Variants in SPECC1L observed in about 807,000 individuals in gnomAD.
SPECC1L encodes the protein cytospin-A.
In SPECC1L, 40 loss-of-function variants were observed where a neutral mutation model predicts 116.8. The observed-to-expected ratio is 0.34, with a 90% CI of 0.27 to 0.45. The LOEUF (loss-of-function observed/expected upper bound fraction) is 0.45. Among genes scored for constraint, SPECC1L ranks in the 20% least tolerant of loss-of-function variants. The probability of loss-of-function intolerance (pLI) is 1.00; values close to 1 mark genes in which losing one functional copy is unlikely to be tolerated. For synonymous variants in SPECC1L, 504 were observed against 500.6 expected, an observed-to-expected ratio of 1.01 and a Z score of -0.09; for missense variants, 1,110 against 1,373.6, an observed-to-expected ratio of 0.81 and a Z score of 3.03.
At chr22:24,281,443 T>C (rs1325249434) in intron 2 of SPECC1L, among the ~76,000 whole-genome samples, 1 of 152,234 alleles carries the variant, frequency 6.6e-6, no homozygotes, top group Non-Finnish European at 1.5e-5. Flanking sequence ...CCCATGACCA[T>C]GGTATACTTC....
chr22:24,381,296 A>G (rs1328450864), intron 14 of SPECC1L, among the ~76,000 whole-genome samples: 1 of 152,230 alleles, frequency 6.6e-6, no homozygotes, highest in Non-Finnish European at 1.5e-5. Context: ...AGACCTAGAA[A>G]TGGATTGGTT....
At chr22:24,351,816 A>C (rs1041934928) in intron 11 of SPECC1L, among the ~76,000 whole-genome samples, 2 of 152,192 alleles carry the variant, frequency 1.3e-5, no homozygotes, top group Non-Finnish European at 2.9e-5. Flanking sequence ...TTAGGGATGA[A>C]TTTAAAAATA....
At chr22:24,395,839 C>T (rs941443104) in intron 14 of SPECC1L, among the ~76,000 whole-genome samples, 2 of 152,130 alleles carry the variant, frequency 1.3e-5, no homozygotes, top group African/African-American at 4.8e-5. Context: ...CAGGGTTTCA[C>T]CATGTTGGCC....
intron 14 of SPECC1L, among the ~76,000 whole-genome samples, chr22:24,388,368 G>T (rs1218633528): frequency 6.6e-6 from 1 of 150,964 alleles, no homozygotes; most frequent in African/African-American, 2.4e-5. Context: ...AGTTTGCTGA[G>T]AATGATGGTT....
At chr22:24,296,438 A>G (rs1016789759) in intron 2 of SPECC1L, among the ~76,000 whole-genome samples, 4 of 152,250 alleles carry the variant, frequency 2.6e-5, no homozygotes, top group African/African-American at 9.6e-5. Flanking sequence ...GTTTCAGATT[A>G]TTCTTAGAAC....
intron 2 of SPECC1L, among the ~76,000 whole-genome samples, chr22:24,284,423 C>CTTTTATTTTA (rs369988612): frequency 6.6e-6 from 1 of 151,810 alleles, no homozygotes; most frequent in African/African-American, 2.4e-5. Context: ...AATAGAGAAT[C>CTTTTATTTTA]TTTTATTTTA....
At chr22:24,359,273 C>G (rs775295331) in intron 11 of SPECC1L, among the ~76,000 whole-genome samples, 3 of 152,184 alleles carry the variant, frequency 2.0e-5, no homozygotes, top group African/African-American at 7.2e-5. Context: ...CCAGTAACCT[C>G]CATGTCACCG....
intron 11 of SPECC1L, among the ~76,000 whole-genome samples, chr22:24,361,975 ACAT>A: frequency 6.6e-6 from 1 of 152,356 alleles, no homozygotes; most frequent in South Asian, 2.1e-4. Flanking sequence ...ATTACTTTTG[ACAT>A]CATTATATTT....
chr22:24,399,616 A>G (rs1040932434), intron 14 of SPECC1L, among the ~76,000 whole-genome samples: 1 of 152,122 alleles, frequency 6.6e-6, no homozygotes, highest in African/African-American at 2.4e-5. Context: ...TCCAAAACAT[A>G]CTATAGATTT....
intron 2 of SPECC1L, among the ~76,000 whole-genome samples, chr22:24,286,965 T>C (rs898606552): frequency 6.6e-6 from 1 of 152,196 alleles, no homozygotes; most frequent in African/African-American, 2.4e-5. Flanking sequence ...AGTGATGACT[T>C]TTTTGGTCTA....
chr22:24,346,016 T>G (rs931751989), intron 10 of SPECC1L, among the ~76,000 whole-genome samples: 44 of 151,606 alleles, frequency 2.9e-4, no homozygotes, highest in Middle Eastern at 3.4e-3. Flanking sequence ...TTTTTGTTTT[T>G]TTTTTTTTGA....
At chr22:24,280,350 A>C (rs1459144134) in intron 2 of SPECC1L, among the ~76,000 whole-genome samples, 1 of 151,796 alleles carries the variant, frequency 6.6e-6, no homozygotes, top group East Asian at 1.9e-4. Flanking sequence ...TGAACAAAGA[A>C]GAGGTAGTAA....
At chr22:24,363,531 TG>T (rs1403952722) in intron 12 of SPECC1L, among the ~76,000 whole-genome samples, 187 bp downstream of exon 12, 38 of 152,208 alleles carry the variant, frequency 2.5e-4, no homozygotes, top group Admixed American at 4.6e-4. Flanking sequence ...CCGGCCTAGC[TG>T]GGCTTTAAAT....
chr22:24,273,788 C>G (rs1303736704), intron 1 of SPECC1L, among the ~76,000 whole-genome samples: 1 of 152,134 alleles, frequency 6.6e-6, no homozygotes, highest in Admixed American at 6.5e-5. Context: ...GAGACAGTTT[C>G]GCTCTTGTTG....
chr22:24,280,652 A>AT (rs2048924753), intron 2 of SPECC1L, among the ~76,000 whole-genome samples: 1 of 143,110 alleles, frequency 7.0e-6, no homozygotes, highest in African/African-American at 2.6e-5. Flanking sequence ...ACCACAGCTT[A>AT]TTACAGCCCT....
Position 24,321,877 on chromosome 22 carries a change from C to A in SPECC1L, c.897C>A (p.Thr299=), listed in dbSNP as rs767896429. The A allele has an allele frequency of 2.5e-6, 4 of 1,614,214 alleles. No individual in the cohort carries two copies. The highest frequency in any genetic ancestry group is 2.2e-5 in the East Asian group (1 of 44,880). ...FGYQSLSPEI[T]PGNQSDGGGT... Reference sequence around the variant, plus strand: ...ATCAGTCCCTGAGCCCAGAAATCACCCCTGGTAACCAGAGCGATGGAGGAG... The same window carrying A: ...ATCAGTCCCTGAGCCCAGAAATCACACCTGGTAACCAGAGCGATGGAGGAG... Residue 299 remains threonine (T), a synonymous_variant, in exon 5 of 17, where the codon ACC becomes ACA. Transcript: ENST00000314328.
At chr22:24,311,121 T>C (rs1170113746) in intron 3 of SPECC1L, among the ~76,000 whole-genome samples, 4 of 152,226 alleles carry the variant, frequency 2.6e-5, no homozygotes, top group Non-Finnish European at 2.9e-5. Context: ...GTTCCAGTGC[T>C]GTACTGTCTT....
chr22:24,386,448 A>T (rs535269769), intron 14 of SPECC1L, among the ~76,000 whole-genome samples: 74 of 152,290 alleles, frequency 4.9e-4, no homozygotes, highest in African/African-American at 1.6e-3. Flanking sequence ...GTAAGGCAGA[A>T]AGAGAGATAA....
chr22:24,297,891 G>A (rs76480910), intron 2 of SPECC1L, among the ~76,000 whole-genome samples: 1 of 150,958 alleles, frequency 6.6e-6, no homozygotes, highest in East Asian at 1.9e-4. Context: ...GTAACCCTTA[G>A]TTCACTTAAT....
Sources: allele counts gnomAD v4.1 joint callset (sites outside exome capture counted in the v4.1 genomes callset), GRCh38; gene constraint gnomAD v4.1.1; transcripts MANE v1.5; gene names NCBI Gene and HGNC (gene_info 2026-07-23, HGNC 2026-07-21).